The following DTNA variants were observed in gnomAD, a reference collection of about 807,000 sequenced individuals.
DTNA encodes dystrobrevin alpha.
Under a neutral mutation model 100.7 loss-of-function variants are expected in DTNA, and 43 were observed. The ratio of observed to expected loss-of-function variants is 0.43; its 90% CI spans 0.33 to 0.55. The LOEUF is 0.55. Ranked by LOEUF, DTNA falls within the 20% of genes least tolerant of loss-of-function variation. The pLI, the probability that DTNA is intolerant of heterozygous loss-of-function variation, is 0.04. For missense variants in DTNA, 798 were observed against 953.9 expected, an observed-to-expected ratio of 0.84 and a Z score of 2.15; for synonymous variants, 349 against 347.9, an observed-to-expected ratio of 1.00 and a Z score of -0.04.
chr18:34,803,636 C>G (rs1032943728), intron 4 of DTNA, among the ~76,000 whole-genome samples: 1 of 152,074 alleles, frequency 6.6e-6, no homozygotes, highest in African/African-American at 2.4e-5. Flanking sequence ...TCTTCCATAC[C>G]TTGTAGACTT....
intron 21 of DTNA, among the ~76,000 whole-genome samples, chr18:34,883,630 A>G (rs1304419427): frequency 5.9e-5 from 9 of 152,190 alleles, no homozygotes; most frequent in Admixed American, 2.0e-4. Context: ...TTATTAGGGC[A>G]GCAGTGCCCT....
intron 16 of DTNA, among the ~76,000 whole-genome samples, chr18:34,860,220 G>GTTTTTTTTTTTTTTTTTT (rs55673388): frequency 1.2e-5 from 1 of 80,254 alleles, no homozygotes; most frequent in East Asian, 4.5e-4. Flanking sequence ...CTAATTTTTT[G>GTTTTTTTTTTTTTTTTTT]TTTTTTTTTT....
intron 1 of DTNA, among the ~76,000 whole-genome samples, chr18:34,526,266 A>G (rs893324569): frequency 6.6e-6 from 1 of 152,164 alleles, no homozygotes; most frequent in African/African-American, 2.4e-5. Flanking sequence ...TGTCTTCTGC[A>G]GTATGCTGTC....
At chr18:34,852,038 G>A in intron 15 of DTNA, 110 bp downstream of exon 15, 2 of 1,049,548 alleles carry the variant, frequency 1.9e-6, no homozygotes, top group Non-Finnish European at 2.9e-6. Flanking sequence ...GCTACTCAAG[G>A]GAAGACATCT....
intron 1 of DTNA, among the ~76,000 whole-genome samples, chr18:34,703,011 T>G (rs1358904381): frequency 6.6e-6 from 1 of 152,202 alleles, no homozygotes; most frequent in East Asian, 1.9e-4. Flanking sequence ...TGGTCTGCAG[T>G]GTGTACTGAG....
chr18:34,777,271 T>C (rs1376228600), intron 3 of DTNA, among the ~76,000 whole-genome samples: 2 of 152,232 alleles, frequency 1.3e-5, no homozygotes, highest in African/African-American at 4.8e-5. Flanking sequence ...CAAAAAATAC[T>C]TACTGAATTA....
intron 18 of DTNA, 149 bp downstream of exon 18, chr18:34,875,547 T>G (rs1430457791): frequency 1.7e-6 from 2 of 1,177,186 alleles, no homozygotes; most frequent in African/African-American, 1.5e-5. Flanking sequence ...CCAGCCATTT[T>G]GGGAACTCCC....
chr18:34,597,526 A>C (rs2147093062), intron 1 of DTNA, among the ~76,000 whole-genome samples: 1 of 152,192 alleles, frequency 6.6e-6, no homozygotes, highest in Non-Finnish European at 1.5e-5. Flanking sequence ...TCTTCTAAAA[A>C]CTATAGACTT....
chr18:34,860,242 T>G (rs1370513761), intron 16 of DTNA, among the ~76,000 whole-genome samples: 33 of 140,264 alleles, frequency 2.4e-4, no homozygotes, highest in South Asian at 7.0e-4. Flanking sequence ...TTTTTTTTTT[T>G]TTTTTTTGGA....
chr18:34,778,044 C>T (rs548982795), intron 3 of DTNA, among the ~76,000 whole-genome samples: 6 of 152,336 alleles, frequency 3.9e-5, no homozygotes, highest in South Asian at 2.1e-4. Flanking sequence ...GGCCATGTGA[C>T]AAAACCCATT....
chr18:34,863,921 C>T, intron 16 of DTNA, 45 bp from the exon 17 acceptor site: 2 of 1,553,246 alleles, frequency 1.3e-6, no homozygotes, highest in Non-Finnish European at 1.8e-6. Context: ...GTGATTAGCT[C>T]AGAGAGTTGC....
At chr18:34,854,217 T>G (rs1470232735) in intron 15 of DTNA, among the ~76,000 whole-genome samples, 1 of 152,162 alleles carries the variant, frequency 6.6e-6, no homozygotes, top group Non-Finnish European at 1.5e-5. Flanking sequence ...GGAAAGATCA[T>G]GGCAAGAAAA....
At chr18:34,702,871 A>G (rs1304642952) in intron 1 of DTNA, among the ~76,000 whole-genome samples, 1 of 152,228 alleles carries the variant, frequency 6.6e-6, no homozygotes, top group Non-Finnish European at 1.5e-5. Context: ...TTTAAAGGTA[A>G]CAATTCATTT....
chr18:34,718,872 G>C (rs570545470), intron 1 of DTNA, among the ~76,000 whole-genome samples: 10 of 152,324 alleles, frequency 6.6e-5, no homozygotes, highest in African/African-American at 2.4e-4. Context: ...GCAGGACAGA[G>C]AGGAGCACAT....
intron 1 of DTNA, among the ~76,000 whole-genome samples, chr18:34,722,610 C>T (rs1261294349): frequency 2.0e-5 from 3 of 149,368 alleles, no homozygotes; most frequent in African/African-American, 7.3e-5. Context: ...TATACATACA[C>T]ACACACACAC....
intron 1 of DTNA, among the ~76,000 whole-genome samples, chr18:34,674,984 T>G (rs866021924): frequency 6.6e-6 from 1 of 151,592 alleles, no homozygotes; most frequent in African/African-American, 2.4e-5. Flanking sequence ...GTATATAGAG[T>G]TGGAGGAAGC....
intron 1 of DTNA, among the ~76,000 whole-genome samples, chr18:34,518,238 A>G (rs2145136454): frequency 6.6e-6 from 1 of 152,052 alleles, no homozygotes; most frequent in African/African-American, 2.4e-5. Context: ...CCTTTTTTGA[A>G]ATGTCTCTTC....
intron 1 of DTNA, among the ~76,000 whole-genome samples, chr18:34,518,597 G>C (rs531620217): frequency 5.6e-4 from 84 of 150,868 alleles, no homozygotes; most frequent in African/African-American, 2.0e-3. Flanking sequence ...TTTTGTATAA[G>C]GTCTGAGATT....
rs568537365 is a variant in DTNA, at chr18:34,889,770, C to G, written c.*2036C>G. 794 of 986,632 alleles carry G rather than the reference C, an allele frequency of 8.0e-4. 2 individuals carry two copies. Among genetic ancestry groups the G allele is most frequent in the Non-Finnish European group, 9.4e-4 (781 of 830,586 alleles). 61.1% of individuals were successfully genotyped at this position (986,632 alleles called of 1,614,324 possible). A position where few individuals can be genotyped will look rare whatever the true frequency, so the allele number is the denominator to read the frequency against. On this transcript the variant is annotated 3_prime_UTR_variant, in exon 23 of 23. Coordinates refer to ENST00000444659, the MANE Select transcript of DTNA (RefSeq NM_001386795.1). ...TCATATATCTCTCCAGAGAACTCACCTGACAAATGTCTCTGAGCACAGGCT... is the reference window on the plus strand; with the variant it reads ...TCATATATCTCTCCAGAGAACTCACGTGACAAATGTCTCTGAGCACAGGCT...
Sources: gnomAD v4.1 joint callset for allele counts (sites outside exome capture counted in the v4.1 genomes callset) on GRCh38, gnomAD v4.1.1 for gene constraint, MANE v1.5 for transcripts, NCBI Gene and HGNC (gene_info 2026-07-23, HGNC 2026-07-21) for gene names.